The following DGKB variants were observed in gnomAD, a reference collection of about 807,000 sequenced individuals.
DGKB encodes the protein diacylglycerol kinase beta, also known as 90 kDa diacylglycerol kinase.
In DGKB, 67 loss-of-function variants were observed where a neutral mutation model predicts 114.3. The ratio of observed to expected loss-of-function variants is 0.59; its 90% CI spans 0.48 to 0.72. DGKB has a LOEUF of 0.72. Ranked by LOEUF, DGKB falls within the 30% of genes least tolerant of loss-of-function variation. DGKB has a pLI of 0.00. For synonymous variants in DGKB, 398 were observed against 323.1 expected, an observed-to-expected ratio of 1.23 and a Z score of -2.49; for missense variants, 907 against 975.2, an observed-to-expected ratio of 0.93 and a Z score of 0.93.
chr7:14,591,176 G>T (rs999823064), intron 17 of DGKB, among the ~76,000 whole-genome samples: 1 of 152,104 alleles, frequency 6.6e-6, no homozygotes, highest in African/African-American at 2.4e-5. Flanking sequence ...CCACATTACA[G>T]GTCATCCTTC....
In DGKB at chr7:14,520,113, C is replaced by G. The variant is rs538481696; in HGVS notation, c.1771-41888G>C. On this transcript the variant is annotated intron_variant, in intron 20 of 25. Transcript: ENST00000402815. Reference sequence around the variant, plus strand: ...TTCAATATAATGTCTAAAGACACCCCGCCTAACCCAAAGACACAAAAGATT... The same window carrying G: ...TTCAATATAATGTCTAAAGACACCCGGCCTAACCCAAAGACACAAAAGATT... Among the ~76,000 whole-genome samples the G allele has an allele frequency of 4.6e-5, 7 of 151,234 alleles. No individual in the cohort carries two copies. In the South Asian group the frequency reaches 1.5e-3, roughly 32 times the overall value.
chr7:14,853,538 T>A (rs1420142336), intron 1 of DGKB, among the ~76,000 whole-genome samples: 1 of 151,778 alleles, frequency 6.6e-6, no homozygotes, highest in Non-Finnish European at 1.5e-5. Context: ...CTTTTAGAAG[T>A]GAGTTTAAAA....
chr7:14,621,162 G>T (rs1807567810), intron 15 of DGKB: 12 of 428,104 alleles, frequency 2.8e-5, no homozygotes, highest in South Asian at 1.1e-4. Context: ...AGTTTAAATG[G>T]AGATAAAATC....
rs189693443 is a variant in DGKB at position 14,940,704 on chromosome 7, A to G, written c.-188+33992T>C. Among the ~76,000 whole-genome samples, 189 of 152,262 alleles carry G rather than the reference A, an allele frequency of 1.2e-3. 2 individuals are homozygous for G. The highest frequency in any genetic ancestry group is 4.4e-3 in the African/African-American group (185 of 41,578). On this transcript the variant is annotated intron_variant, in intron 1 of 4. Transcript: ENST00000437998. The stretch of plus-strand genomic sequence containing the variant: ...ATAATTTACATGCATAAGAATGTGT[A>G]TATTAGCACATGTGTATTTTTATAT...
chr7:14,258,726 G>T (rs1019764967), intron 23 of DGKB, among the ~76,000 whole-genome samples: 1 of 152,076 alleles, frequency 6.6e-6, no homozygotes, highest in Non-Finnish European at 1.5e-5. Context: ...GGTCTTTGGT[G>T]CAAAAAGGAA....
intron 1 of DGKB, among the ~76,000 whole-genome samples, chr7:14,871,166 T>C (rs1233783288): frequency 1.3e-5 from 2 of 152,060 alleles, no homozygotes; most frequent in Non-Finnish European, 2.9e-5. Flanking sequence ...TAAAATGTGA[T>C]GTTTTGGTAC....
rs566688204 is a variant in DGKB at position 14,869,939 on chromosome 7, A to G, written c.-187-28489T>C. On this transcript the variant is annotated intron_variant, in intron 1 of 25. Transcript: ENST00000402815. The stretch of plus-strand genomic sequence containing the variant: ...TTTAAATAATGTTTTATAACCCACG[A>G]TTTTTTTATTACACTCTCTCCTGAC... Among the ~76,000 whole-genome samples the G allele has an allele frequency of 7.5e-3, 1,137 of 152,146 alleles. 13 individuals carry two copies. Among genetic ancestry groups the G allele is most frequent in the African/African-American group, 0.026 (1,095 of 41,506 alleles).
intron 5 of DGKB, among the ~76,000 whole-genome samples, chr7:14,719,481 A>G (rs1235227109): frequency 7.6e-6 from 1 of 131,514 alleles, no homozygotes; most frequent in African/African-American, 2.6e-5. Context: ...ACAAGGCCTG[A>G]AGATAAACCG....
At chr7:14,788,115 C>A (rs931892348) in intron 2 of DGKB, among the ~76,000 whole-genome samples, 2 of 152,220 alleles carry the variant, frequency 1.3e-5, no homozygotes, top group Admixed American at 1.3e-4. Flanking sequence ...CCTCTGGTAC[C>A]TTTATCCCAG....
At chr7:14,952,457 G>C (rs1467362176) in intron 1 of DGKB, among the ~76,000 whole-genome samples, 2 of 151,944 alleles carry the variant, frequency 1.3e-5, no homozygotes, top group African/African-American at 4.8e-5. Flanking sequence ...CAGAAGTTTG[G>C]CTGGATTCTC....
In DGKB at chr7:14,607,462, T is replaced by G. The variant is rs1804727175; in HGVS notation, c.1405A>C (p.Ser469Arg). 1 of 1,588,262 alleles carries G rather than the reference T, an allele frequency of 6.3e-7. No homozygotes were observed. Among genetic ancestry groups the G allele is most frequent in the Non-Finnish European group, 8.6e-7 (1 of 1,157,992 alleles). The part of the protein sequence containing the change: ...QYLLNPRQVY[S>R]LSGNGPMPGL... Reference sequence around the variant, plus strand: ...GGCATTGGTCCATTTCCAGAAAGACTGTAAACCTGACGAGGATTTAATAGA... The same window carrying G: ...GGCATTGGTCCATTTCCAGAAAGACGGTAAACCTGACGAGGATTTAATAGA... The change falls in exon 17 of 26, where the codon AGT (serine) becomes CGT (arginine). Residue 469 changes from serine to arginine, a missense_variant. Coordinates refer to ENST00000402815, the MANE Select transcript of DGKB (RefSeq NM_001350709.2).
intron 4 of DGKB, among the ~76,000 whole-genome samples, chr7:14,736,955 A>G (rs535256437): frequency 6.6e-6 from 1 of 152,330 alleles, no homozygotes; most frequent in African/African-American, 2.4e-5. Flanking sequence ...CTCCTTGCAG[A>G]TGAAGGCAGT....
intron 1 of DGKB, among the ~76,000 whole-genome samples, chr7:14,853,683 C>T (rs745704237): frequency 2.6e-5 from 4 of 151,626 alleles, no homozygotes; most frequent in Non-Finnish European, 2.9e-5. Flanking sequence ...GGTGAAACCA[C>T]GTCTCTACTG....
intron 21 of DGKB, among the ~76,000 whole-genome samples, chr7:14,436,149 A>G (rs1228054212): frequency 2.0e-5 from 3 of 152,128 alleles, no homozygotes; most frequent in Non-Finnish European, 4.4e-5. Flanking sequence ...GCTGCATAAC[A>G]TTGTCTCTGT....
intron 1 of DGKB, among the ~76,000 whole-genome samples, chr7:14,849,906 G>A (rs1021580926): frequency 6.6e-6 from 1 of 152,168 alleles, no homozygotes; most frequent in Non-Finnish European, 1.5e-5. Flanking sequence ...TATGGGGCAA[G>A]AGTGTAGTGG....
rs113738093 is a variant in DGKB at position 14,387,116 on chromosome 7, AT to A, written c.1836-41726del. Among the ~76,000 whole-genome samples the A allele has an allele frequency of 5.5e-4, 73 of 132,954 alleles. 1 individual carries two copies. The South Asian group carries it at 0.011, about 20-fold the overall frequency. The allele number at this position is 132,954 out of a possible 152,430, so 87.2% of individuals were successfully genotyped here. A position where few individuals can be genotyped will look rare whatever the true frequency, so the allele number is the denominator to read the frequency against. On this transcript the variant is annotated intron_variant, in intron 21 of 25. Coordinates refer to ENST00000402815, the MANE Select transcript of DGKB (RefSeq NM_001350709.2). ...CTTTTGATTATTTATTTATTTATTT[AT>A]TTATTTATTTAAAGACAGTGTCTTG...
chr7:14,253,530 C>T (rs1795543863), intron 23 of DGKB, among the ~76,000 whole-genome samples: 1 of 152,192 alleles, frequency 6.6e-6, no homozygotes, highest in African/African-American at 2.4e-5. Context: ...TGAATATTAA[C>T]ATCTGAAATA....
At chr7:14,855,782 G>T (rs952412339) in intron 1 of DGKB, among the ~76,000 whole-genome samples, 3 of 151,868 alleles carry the variant, frequency 2.0e-5, no homozygotes, top group Non-Finnish European at 2.9e-5. Flanking sequence ...GGATTAGATA[G>T]GACTTTTGAT....
chr7:14,272,015 T>G (rs1798335102), intron 23 of DGKB, among the ~76,000 whole-genome samples: 1 of 152,210 alleles, frequency 6.6e-6, no homozygotes, highest in South Asian at 2.1e-4. Flanking sequence ...GCATATCTTC[T>G]ATTGTCTCCT....
Sources: gnomAD v4.1 joint callset for allele counts (sites outside exome capture counted in the v4.1 genomes callset) on GRCh38, gnomAD v4.1.1 for gene constraint, MANE v1.5 for transcripts, NCBI Gene and HGNC (gene_info 2026-07-23, HGNC 2026-07-21) for gene names.